The following ATE1 variants were observed in gnomAD, a reference collection of about 807,000 sequenced individuals.
ATE1 encodes arginyl-tRNA--protein transferase 1.
A neutral mutation model predicts 70.5 loss-of-function variants in ATE1; 36 were observed. The observed-to-expected ratio is 0.51, with a 90% CI of 0.39 to 0.67. The LOEUF (loss-of-function observed/expected upper bound fraction) is 0.67, where lower values mean the gene tolerates loss of function less well. ATE1 is among the 30% of genes least tolerant of loss of function. The pLI is 0.00. For synonymous variants in ATE1, 232 were observed against 219.3 expected (o/e 1.06, Z -0.51); for missense variants, 593 against 629.5 (o/e 0.94, Z 0.62).
chr10:121,752,317 G>A (rs529203684), intron 11 of ATE1, among the ~76,000 whole-genome samples: 56 of 146,828 alleles, frequency 3.8e-4, no homozygotes, highest in Non-Finnish European at 7.2e-4. Flanking sequence ...TGCAAGCTCC[G>A]CCTTCCGGGT....
chr10:121,759,555 C>T (rs1404948238), intron 11 of ATE1, among the ~76,000 whole-genome samples: 3 of 151,966 alleles, frequency 2.0e-5, no homozygotes, highest in Non-Finnish European at 4.4e-5. Flanking sequence ...AACCCTGTCT[C>T]TACTAAAAAT....
intron 5 of ATE1, 50 bp downstream of exon 5, chr10:121,910,856 A>G (rs777531006): frequency 1.2e-6 from 2 of 1,610,966 alleles, no homozygotes; most frequent in Admixed American, 1.7e-5. Flanking sequence ...AAAATGACTC[A>G]GCAAAAAGCA....
At chr10:121,903,962 G>C (rs1951084748) in intron 5 of ATE1, among the ~76,000 whole-genome samples, 1 of 151,408 alleles carries the variant, frequency 6.6e-6, no homozygotes, top group South Asian at 2.1e-4. Flanking sequence ...TTTCTTTGTA[G>C]TGTTCTCTTT....
intron 7 of ATE1, chr10:121,898,815 A>T: frequency 6.2e-7 from 1 of 1,611,428 alleles, no homozygotes; most frequent in Admixed American, 1.7e-5. Context: ...AACCTTATCA[A>T]CACAGAAAAC....
intron 8 of ATE1, among the ~76,000 whole-genome samples, chr10:121,865,516 T>A (rs888355568): frequency 6.6e-6 from 1 of 152,162 alleles, no homozygotes; most frequent in South Asian, 2.1e-4. Context: ...TTACCCACAT[T>A]TAATTGAAGA....
intron 11 of ATE1, among the ~76,000 whole-genome samples, chr10:121,761,278 T>TG (rs1364620040): frequency 6.6e-6 from 1 of 152,162 alleles, no homozygotes; most frequent in Non-Finnish European, 1.5e-5. Context: ...CAGCCTCAGA[T>TG]ACTCCTTTAC....
intron 11 of ATE1, among the ~76,000 whole-genome samples, chr10:121,758,123 G>A (rs532091757): frequency 5.0e-4 from 76 of 152,180 alleles, no homozygotes; most frequent in Non-Finnish European, 9.3e-4. Flanking sequence ...ATATAAGTAT[G>A]TATATGTGTA....
chr10:121,763,559 T>C (rs933822771), intron 11 of ATE1, among the ~76,000 whole-genome samples: 7 of 152,168 alleles, frequency 4.6e-5, no homozygotes, highest in Admixed American at 3.9e-4. Context: ...TAAAACTATG[T>C]AGACAGTAAA....
At chr10:121,749,633 A>C (rs1944502540) in intron 11 of ATE1, among the ~76,000 whole-genome samples, 2 of 152,240 alleles carry the variant, frequency 1.3e-5, no homozygotes, top group African/African-American at 4.8e-5. Context: ...TTAATTTTTA[A>C]TTTTACATCA....
chr10:121,754,063 G>A (rs79258471), intron 11 of ATE1, among the ~76,000 whole-genome samples: 1,574 of 152,312 alleles, frequency 0.01, 11 homozygotes, highest in African/African-American at 0.027. Flanking sequence ...ACAAACTGTT[G>A]TGCTGGATTA....
At position 121,902,597 on chromosome 10, in the gene ATE1, G is replaced by C. The variant is rs1261825407; in HGVS notation, c.607C>G (p.Pro203Ala). 13 of 1,612,058 alleles carry C rather than the reference G, an allele frequency of 8.1e-6. No homozygotes were observed. Among genetic ancestry groups the C allele is most frequent in the Non-Finnish European group, 1.1e-5 (13 of 1,178,944 alleles). ...ATTTCCTTTGCTTTTCGACATGGAG[G>C]CTTACTCAAATCAGCCCCTTTGCCT... ...KPGKGADLSK[P>A]PCRKAKEIRK... The change falls in exon 6 of 12, where the codon CCT becomes GCT. Residue 203 changes from proline (P) to alanine (A), a missense_variant. Physicochemically the swap from Pro to Ala is conservative, Grantham distance 27. This residue lies in a region of ATE1 where 467 missense variants were observed against 469.6 expected (regional missense o/e 0.99). Coordinates refer to ENST00000224652, the MANE Select transcript of ATE1 (RefSeq NM_001001976.3).
At chr10:121,831,661 T>C (rs12255859) in intron 10 of ATE1, among the ~76,000 whole-genome samples, 19,952 of 152,246 alleles carry the variant, frequency 0.13, 1,501 homozygotes, top group East Asian at 0.19. Context: ...GATTTGTCAA[T>C]TGATTTTTGT....
chr10:121,890,630 T>C (rs1333739731), intron 7 of ATE1, among the ~76,000 whole-genome samples: 3 of 152,170 alleles, frequency 2.0e-5, no homozygotes, highest in African/African-American at 7.2e-5. Context: ...AGGCTGTTTT[T>C]GAGACAGTAA....
intron 11 of ATE1, among the ~76,000 whole-genome samples, chr10:121,763,744 T>G (rs1945155525): frequency 6.6e-6 from 1 of 152,196 alleles, no homozygotes; most frequent in Non-Finnish European, 1.5e-5. Context: ...CCGGGCGCAG[T>G]GGCTCACACT....
chr10:121,869,125 G>A (rs1437635602), intron 8 of ATE1, among the ~76,000 whole-genome samples: 1 of 152,186 alleles, frequency 6.6e-6, no homozygotes, highest in Admixed American at 6.5e-5. Flanking sequence ...GCCATGATGT[G>A]ACTAGCACAG....
chr10:121,744,949 T>A (rs577842662), intron 11 of ATE1, among the ~76,000 whole-genome samples: 2 of 152,292 alleles, frequency 1.3e-5, no homozygotes, highest in African/African-American at 4.8e-5. Flanking sequence ...GCCTGGAACG[T>A]TGGACTTCAT....
intron 8 of ATE1, among the ~76,000 whole-genome samples, chr10:121,843,700 G>A (rs1273787554): frequency 2.0e-5 from 3 of 151,784 alleles, no homozygotes; most frequent in Admixed American, 6.6e-5. Flanking sequence ...ACAATAAATG[G>A]TGCTGTAACA....
chr10:121,803,284 T>C (rs2133391821), intron 10 of ATE1, among the ~76,000 whole-genome samples: 1 of 152,310 alleles, frequency 6.6e-6, no homozygotes, highest in South Asian at 2.1e-4. Flanking sequence ...TCGTATTTCT[T>C]AAAAAGAGAG....
At chr10:121,764,567 AAAAC>A (rs1237630076) in intron 11 of ATE1, among the ~76,000 whole-genome samples, 1 of 152,202 alleles carries the variant, frequency 6.6e-6, no homozygotes, top group African/African-American at 2.4e-5. Flanking sequence ...TTTAATGTAA[AAAAC>A]AAACCACAGA....
Sources: gnomAD v4.1 joint callset for allele counts (sites outside exome capture counted in the v4.1 genomes callset) on GRCh38, gnomAD v4.1.1 for gene constraint, gnomAD v4.1.1 regional missense constraint, MANE v1.5 for transcripts, NCBI Gene and HGNC (gene_info 2026-07-23, HGNC 2026-07-21) for gene names.